SNX5: variants seen among roughly 807,000 people sequenced by gnomAD.
The protein encoded by SNX5 is sorting nexin-5.
A neutral mutation model predicts 53.9 loss-of-function variants in SNX5; 31 were observed. The ratio of observed to expected loss-of-function variants is 0.58; its 90% confidence interval spans 0.43 to 0.78. SNX5 has a LOEUF of 0.78. Ranked by LOEUF, SNX5 falls within the 30% of genes least tolerant of loss-of-function variation. The pLI, the probability that SNX5 is intolerant of heterozygous loss-of-function variation, is 0.00. For missense variants in SNX5, 471 were observed against 478.8 expected, an observed-to-expected ratio of 0.98 and a Z score of 0.15; for synonymous variants, 168 against 171.1, an observed-to-expected ratio of 0.98 and a Z score of 0.14.
chr20:17,964,481 T>C (rs1001938277), intron 1 of SNX5, among the ~76,000 whole-genome samples: 1 of 152,204 alleles, frequency 6.6e-6, no homozygotes, highest in African/African-American at 2.4e-5. Context: ...ATGGTTTGCC[T>C]TTAGGCAGCA....
chr20:17,943,386 C>T (rs2039443863), intron 11 of SNX5, 191 bp from the exon 12 acceptor site: 1 of 558,282 alleles, frequency 1.8e-6, no homozygotes, highest in Non-Finnish European at 3.2e-6. Flanking sequence ...ACAGCTATCA[C>T]TGTCTTTAAG....
In SNX5 at chr20:17,955,384, G is replaced by A. The variant is rs756537371; in HGVS notation, c.248C>T (p.Thr83Ile). The A allele has an allele frequency of 1.2e-6, 2 of 1,612,382 alleles. No individual in the cohort carries two copies. Among genetic ancestry groups the A allele is most frequent in the South Asian group, 2.2e-5 (2 of 91,016 alleles). Residue 83 changes from threonine (T) to isoleucine (I), a missense_variant, in exon 3 of 13, where the codon ACA (threonine) becomes ATA (isoleucine). Physicochemically the swap from Thr to Ile is moderately conservative, Grantham distance 89. Coordinates refer to ENST00000377759, the MANE Select transcript of SNX5 (RefSeq NM_014426.4). ...VWLHDTLIETTDYAGLIIPPA... is the reference protein window; with the variant it reads ...VWLHDTLIETIDYAGLIIPPA... The stretch of plus-strand genomic sequence containing the variant: ...ACTCACAATAAGCCCAGCATAGTCT[G>A]TTGTTTCAATAAGAGTGTCATGTAG...
chr20:17,954,774 G>A (rs772908215), intron 3 of SNX5, among the ~76,000 whole-genome samples: 10 of 152,036 alleles, frequency 6.6e-5, no homozygotes, highest in Middle Eastern at 3.2e-3. Context: ...GACGTGGCAC[G>A]GCCTCGGCTT....
intron 1 of SNX5, chr20:17,961,746 TTTG>T (rs2035454028): frequency 1.0e-6 from 1 of 985,256 alleles, no homozygotes; most frequent in African/African-American, 1.7e-5. Context: ...GGGATTTTGT[TTTG>T]TTATGTTTCA....
intron 1 of SNX5, among the ~76,000 whole-genome samples, chr20:17,962,476 T>C (rs904236090): frequency 6.6e-6 from 1 of 152,100 alleles, no homozygotes; most frequent in Non-Finnish European, 1.5e-5. Flanking sequence ...GTCCTGGGAT[T>C]ATAGGCGTGA....
At chr20:17,950,079 C>G in intron 8 of SNX5, 53 bp downstream of exon 8, 1 of 1,485,510 alleles carries the variant, frequency 6.7e-7, no homozygotes. Context: ...TTAATTACAC[C>G]ACTCGGCACT....
At position 17,968,494 on chromosome 20, in the gene SNX5, G is replaced by T; in HGVS notation, c.-69C>A. ...AAGAAGAAGCTGGGCCGCCGCCGCC[G>T]CCGCCTGGGCGCCTCTCGGGGGCGG... On this transcript the variant is annotated 5_prime_UTR_variant, in exon 1 of 13. Transcript: ENST00000377759. The T allele has an allele frequency of 7.9e-7, 1 of 1,266,512 alleles. No individual in the cohort carries two copies. Among genetic ancestry groups the T allele is most frequent in the Non-Finnish European group, 1.0e-6 (1 of 998,072 alleles). 78.5% of individuals were successfully genotyped at this position (1,266,512 alleles called of 1,614,324 possible). A position where few individuals can be genotyped will look rare whatever the true frequency, so the allele number is the denominator to read the frequency against.
At chr20:17,947,451 A>C (rs746731767) in intron 11 of SNX5, 35 bp downstream of exon 11, 1 of 1,587,462 alleles carries the variant, frequency 6.3e-7, no homozygotes, top group Non-Finnish European at 8.6e-7. Flanking sequence ...ATTATTTTCA[A>C]ATTACAGTAC....
intron 11 of SNX5, among the ~76,000 whole-genome samples, chr20:17,945,945 TA>T (rs1485416960): frequency 6.6e-6 from 1 of 152,098 alleles, no homozygotes; most frequent in Non-Finnish European, 1.5e-5. Context: ...AAACACGCGT[TA>T]GGGGGTTGGG....
Position 17,948,919 on chromosome 20 carries a change from A to T in SNX5, c.889T>A (p.Tyr297Asn), listed in dbSNP as rs749326525. 39 of 1,611,998 alleles carry T rather than the reference A, an allele frequency of 2.4e-5. No homozygotes were observed. Among genetic ancestry groups the T allele is most frequent in the Admixed American group, 1.2e-4 (7 of 60,000 alleles). The change falls in exon 10 of 13, where the codon TAC becomes AAC. Residue 297 changes from tyrosine to asparagine, a missense_variant. Physicochemically the swap from Tyr to Asn is moderately radical, Grantham distance 143. Coordinates refer to ENST00000377759, the MANE Select transcript of SNX5 (RefSeq NM_014426.4). ...GCAGCTTCAATGTTGAGCATGTAGT[A>T]TCGGAGGAGCTCTGTTAGCTTCAAA... ...EDLKLTELLR[Y>N]YMLNIEAAKD...
At chr20:17,963,021 T>C (rs2035483714) in intron 1 of SNX5, 2 of 391,234 alleles carry the variant, frequency 5.1e-6, no homozygotes, top group South Asian at 3.8e-5. Context: ...ATCTAATGCA[T>C]GTCAAGAAAT....
chr20:17,946,432 G>A (rs2039488706), intron 11 of SNX5, among the ~76,000 whole-genome samples: 1 of 152,220 alleles, frequency 6.6e-6, no homozygotes, highest in East Asian at 1.9e-4. Context: ...GACGGGTTAG[G>A]CTGTTACAAC....
rs1217738961 is a variant in SNX5 at position 17,956,964 on chromosome 20, C to T, written c.125G>A (p.Arg42Lys). Residue 42 changes from arginine (R) to lysine (K), a missense_variant, in exon 2 of 13, where the codon AGA becomes AAA. Coordinates refer to ENST00000377759, the MANE Select transcript of SNX5 (RefSeq NM_014426.4). ...QIDIPDALSE[R>K]DKVKFTVHTK... ...GTGCACTGTAAATTTGACTTTGTCT[C>T]TCTCACTGAGCGCATCAGGTATGTC... is the stretch of plus-strand genomic sequence containing the variant. 6.2e-7 allele frequency: 1 copy of T among 1,605,318 alleles called. No individual in the cohort carries two copies. Among genetic ancestry groups the T allele is most frequent in the Admixed American group, 1.7e-5 (1 of 59,984 alleles).
In SNX5 at chr20:17,947,393, A is replaced by G. The variant is rs999875305; in HGVS notation, c.1078+93T>C. 2.9e-6 allele frequency: 4 copies of G among 1,373,680 alleles called. No individual in the cohort carries two copies. In the East Asian group the frequency reaches 9.2e-5, roughly 32 times the overall value. The allele number at this position is 1,373,680 out of a possible 1,614,324, so 85.1% of individuals were successfully genotyped here. ...GTGAAGTGCTGACACTGGGTGAAGG[A>G]TACATGGGTGTTTTTTGCACTATTT... On this transcript the variant is annotated intron_variant, in intron 11 of 12. Coordinates refer to ENST00000377759, the MANE Select transcript of SNX5 (RefSeq NM_014426.4).
rs1184666064 is a variant in SNX5, at chr20:17,949,076, A to G, written c.819T>C (p.Phe273=). The change falls in exon 9 of 13, where the codon TTT becomes TTC. Residue 273 remains phenylalanine, a synonymous_variant. Transcript: ENST00000377759. ...CAGAAATCCTTACCCTTAGTTTTTC[A>G]AATAGCTCAGCAACCTTCAATAGGT... ...KKYLLKVAEL[F]EKLRKVEGRV... 1 of 1,613,238 alleles carries G rather than the reference A, an allele frequency of 6.2e-7. No individual in the cohort carries two copies. The highest frequency in any genetic ancestry group is 1.7e-5 in the Admixed American group (1 of 59,994).
At chr20:17,955,507 C>G (rs1329932465) in intron 2 of SNX5, 32 bp from the exon 3 acceptor site, 15 of 1,508,688 alleles carry the variant, frequency 9.9e-6, no homozygotes, top group Non-Finnish European at 1.4e-5. Flanking sequence ...AACTGGTAAC[C>G]ACGACTTTTA....
intron 2 of SNX5, among the ~76,000 whole-genome samples, 193 bp from the exon 3 acceptor site, chr20:17,955,668 C>T (rs2035340875): frequency 6.6e-6 from 1 of 152,222 alleles, no homozygotes; most frequent in Non-Finnish European, 1.5e-5. Flanking sequence ...CGATTTCTCC[C>T]CAAACTCCAC....
At chr20:17,957,446 A>AG (rs1477446290) in intron 1 of SNX5, among the ~76,000 whole-genome samples, 1 of 151,946 alleles carries the variant, frequency 6.6e-6, no homozygotes, top group Non-Finnish European at 1.5e-5. Context: ...AAAAAAAAAA[A>AG]AGAATTAAAA....
intron 1 of SNX5, among the ~76,000 whole-genome samples, chr20:17,960,754 G>C (rs554143853): frequency 2.1e-5 from 3 of 143,142 alleles, no homozygotes; most frequent in African/African-American, 7.8e-5. Context: ...TTCAGCCTGG[G>C]CAACAGAGCG....
Sources: allele counts gnomAD v4.1 joint callset (sites outside exome capture counted in the v4.1 genomes callset), GRCh38; gene constraint gnomAD v4.1.1; transcripts MANE v1.5; gene names NCBI Gene and HGNC (gene_info 2026-07-23, HGNC 2026-07-21).